Variants in C11orf58 observed in about 807,000 individuals in gnomAD.
The protein encoded by C11orf58 is chromosome 11 open reading frame 58, also known as small acidic protein.
A neutral mutation model predicts 22.7 loss-of-function variants in C11orf58; 5 were observed. The ratio of observed to expected loss-of-function variants is 0.22; its 90% CI spans 0.12 to 0.46. The LOEUF (loss-of-function observed/expected upper bound fraction) is 0.46. Among genes scored for constraint, C11orf58 ranks in the 20% least tolerant of loss-of-function variants. C11orf58 has a pLI of 0.99. For missense variants in C11orf58, 151 were observed against 223.3 expected (o/e 0.68, Z 2.06); for synonymous variants, 71 against 70.7 (o/e 1.00, Z -0.02).
At position 16,752,123 on chromosome 11, in the gene C11orf58, C is replaced by T. The variant is rs186450205; in HGVS notation, c.209-662C>T. The T allele has an allele frequency of 2.5e-3, 442 of 174,274 alleles. 2 individuals are homozygous for T. The highest frequency in any genetic ancestry group is 0.01 in the African/African-American group (424 of 41,918). The allele number at this position is 174,274 out of a possible 1,614,324, so 10.8% of individuals were successfully genotyped here. A position where few individuals can be genotyped will look rare whatever the true frequency, so the allele number is the denominator to read the frequency against. ...GTCTCCCATCACCCCTAGATGGGAC[C>T]GTCTAGTTGCAGGGAAAACAAGCTC... On this transcript the variant is annotated intron_variant, in intron 3 of 4. Transcript: ENST00000228136.
intron 3 of C11orf58, 171 bp downstream of exon 3, chr11:16,748,328 T>A: frequency 1.9e-6 from 1 of 526,220 alleles, no homozygotes; most frequent in Non-Finnish European, 3.3e-6. Context: ...TTTGGGAGGT[T>A]AAAGTGGGAG....
In C11orf58 at chr11:16,738,712, CT is replaced by C; in HGVS notation, c.-66del. 1 of 1,559,752 alleles carries C rather than the reference CT, an allele frequency of 6.4e-7. No individual in the cohort carries two copies. Among genetic ancestry groups the C allele is most frequent in the South Asian group, 1.1e-5 (1 of 89,978 alleles). On this transcript the variant is annotated 5_prime_UTR_variant, in exon 1 of 5. Coordinates refer to ENST00000228136, the MANE Select transcript of C11orf58 (RefSeq NM_014267.6). Reference sequence around the variant, plus strand: ...GCTTGGGCCCTTGGCGGATTGTAAGCTGCTGGTTTTGCGGCTGGGAAGAGCG... The same window carrying C: ...GCTTGGGCCCTTGGCGGATTGTAAGCGCTGGTTTTGCGGCTGGGAAGAGCG...
chr11:16,748,767 A>G (rs1848508359), intron 3 of C11orf58, among the ~76,000 whole-genome samples: 1 of 152,024 alleles, frequency 6.6e-6, no homozygotes, highest in South Asian at 2.1e-4. Flanking sequence ...TTAGAAATGT[A>G]TAATAGGTAA....
At chr11:16,754,685 C>CCT (rs957642936) in intron 4 of C11orf58, among the ~76,000 whole-genome samples, 186 bp from the exon 5 acceptor site, 31 of 150,138 alleles carry the variant, frequency 2.1e-4, no homozygotes, top group African/African-American at 7.6e-4. Context: ...GAATCCCAGC[C>CCT]ACAGGTATGA....
chr11:16,750,480 AG>A (rs1848524355), intron 3 of C11orf58: 2 of 152,276 alleles, frequency 1.3e-5, no homozygotes, highest in South Asian at 4.1e-4. Context: ...CCTGCTGCTA[AG>A]GACATCTGTT....
rs1403949095 is a variant in C11orf58 at position 16,756,587 on chromosome 11, T to A, written c.*1483T>A. On this transcript the variant is annotated 3_prime_UTR_variant, in exon 5 of 5. Coordinates refer to ENST00000228136, the MANE Select transcript of C11orf58 (RefSeq NM_014267.6). ...CCCAGCCTTGGAGTGTTGGAATTTT[T>A]AAAAATTATTCTTATGTCACTTTGA... Among the ~76,000 whole-genome samples the A allele has an allele frequency of 6.6e-6, 1 of 151,386 alleles. No individual in the cohort carries two copies. The highest frequency in any genetic ancestry group is 1.5e-5 in the Non-Finnish European group (1 of 67,882).
intron 1 of C11orf58, among the ~76,000 whole-genome samples, chr11:16,740,333 G>A (rs1025632024): frequency 2.0e-5 from 3 of 152,164 alleles, no homozygotes; most frequent in Non-Finnish European, 1.5e-5. Context: ...GGAAGAGGTC[G>A]GTTTAAACTA....
At position 16,757,740 on chromosome 11, in the gene C11orf58, T is replaced by C. The variant is rs566089237; in HGVS notation, c.*2636T>C. Among the ~76,000 whole-genome samples the C allele has an allele frequency of 5.3e-5, 8 of 152,372 alleles. No individual in the cohort carries two copies. The highest frequency in any genetic ancestry group is 1.7e-4 in the African/African-American group (7 of 41,588). ...AATGCACTTTTAAATGTTTGCCTTA[T>C]ATCCAAGTGTTTACTTGTATCCATG... On this transcript the variant is annotated 3_prime_UTR_variant, in exon 5 of 5. Coordinates refer to ENST00000228136, the MANE Select transcript of C11orf58 (RefSeq NM_014267.6).
At chr11:16,751,473 G>T (rs1025590233) in intron 3 of C11orf58, 2 of 149,254 alleles carry the variant, frequency 1.3e-5, no homozygotes, top group African/African-American at 4.9e-5. Context: ...CTGCACTCCA[G>T]CCTGGGCAAG....
At chr11:16,754,518 T>TC (rs1412331754) in intron 4 of C11orf58, among the ~76,000 whole-genome samples, 122 of 148,976 alleles carry the variant, frequency 8.2e-4, no homozygotes, top group Non-Finnish European at 1.4e-3. Flanking sequence ...TTTTCTTTTT[T>TC]TTTTTTTAGT....
At chr11:16,745,230 G>C (rs1232351352) in intron 2 of C11orf58, among the ~76,000 whole-genome samples, 2 of 152,142 alleles carry the variant, frequency 1.3e-5, no homozygotes, top group African/African-American at 2.4e-5. Flanking sequence ...TTTTAAAAAT[G>C]TTCAAGATAC....
chr11:16,752,401 G>C (rs1262189064), intron 3 of C11orf58: 1 of 156,100 alleles, frequency 6.4e-6, no homozygotes, highest in African/African-American at 2.4e-5. Flanking sequence ...AGAAGAGTCA[G>C]TACATGACCA....
At chr11:16,749,428 A>T (rs1205427607) in intron 3 of C11orf58, 2 of 152,216 alleles carry the variant, frequency 1.3e-5, no homozygotes, top group Non-Finnish European at 2.9e-5. Context: ...AAATATTTCA[A>T]CTGCCACATT....
chr11:16,753,907 C>T (rs1338103929), intron 4 of C11orf58: 1 of 541,550 alleles, frequency 1.8e-6, no homozygotes, highest in South Asian at 2.5e-5. Flanking sequence ...CTATGTTGCC[C>T]AGGCTGGTCT....
chr11:16,743,202 T>C (rs1049419194), intron 1 of C11orf58, among the ~76,000 whole-genome samples: 1 of 152,222 alleles, frequency 6.6e-6, no homozygotes, highest in Admixed American at 6.5e-5. Flanking sequence ...TCCAGTCACC[T>C]TGTGTACACA....
chr11:16,748,594 A>AAG (rs1444803550), intron 3 of C11orf58: 1 of 152,122 alleles, frequency 6.6e-6, no homozygotes, highest in Non-Finnish European at 1.5e-5. Context: ...AAAAAAAAAA[A>AAG]ATTAGCCTGG....
At chr11:16,740,739 T>TG (rs1848440816) in intron 1 of C11orf58, among the ~76,000 whole-genome samples, 4 of 149,828 alleles carry the variant, frequency 2.7e-5, no homozygotes, top group African/African-American at 7.4e-5. Flanking sequence ...AAAAAAAAAA[T>TG]TTTTTTAACC....
intron 3 of C11orf58, chr11:16,750,488 T>C (rs537402971): frequency 6.6e-6 from 1 of 152,388 alleles, no homozygotes. Flanking sequence ...TAAGGACATC[T>C]GTTGTGAACT....
At chr11:16,741,680 T>C (rs997943035) in intron 1 of C11orf58, among the ~76,000 whole-genome samples, 10 of 152,200 alleles carry the variant, frequency 6.6e-5, no homozygotes, top group African/African-American at 2.4e-4. Flanking sequence ...CCACCTGAGC[T>C]CTGCCTCCTG....
Sources: gnomAD v4.1 joint callset for allele counts (sites outside exome capture counted in the v4.1 genomes callset) on GRCh38, gnomAD v4.1.1 for gene constraint, MANE v1.5 for transcripts, NCBI Gene and HGNC (gene_info 2026-07-23, HGNC 2026-07-21) for gene names.